The following VWA8 variants were observed in gnomAD, a reference collection of about 807,000 sequenced individuals.
The protein encoded by VWA8 is von Willebrand factor A domain containing 8, also known as von Willebrand factor A domain-containing protein 8.
In VWA8, 221 loss-of-function variants were observed where a neutral mutation model predicts 241.5. That is an observed-to-expected ratio of 0.91 (90% CI 0.82 to 1.02). The LOEUF (loss-of-function observed/expected upper bound fraction) is 1.02, where lower values mean the gene tolerates loss of function less well. Among genes scored for constraint, VWA8 ranks in the 50% least tolerant of loss-of-function variants. VWA8 has a pLI of 0.00. For missense variants in VWA8, 2,322 were observed against 2,328.7 expected (o/e 1.00, Z 0.06); for synonymous variants, 852 against 827.1 (o/e 1.03, Z -0.52).
intron 17 of VWA8, among the ~76,000 whole-genome samples, chr13:41,805,831 A>G (rs565166793): frequency 6.6e-6 from 1 of 152,052 alleles, no homozygotes. Context: ...AAAGAAAAAG[A>G]AAAAAAGAAA....
At chr13:41,616,717 C>G (rs991250705) in intron 37 of VWA8, among the ~76,000 whole-genome samples, 7 of 152,144 alleles carry the variant, frequency 4.6e-5, no homozygotes, top group Non-Finnish European at 8.8e-5. Context: ...TGGCTGTGAG[C>G]ATGTGAAATA....
intron 37 of VWA8, among the ~76,000 whole-genome samples, chr13:41,620,368 T>C (rs962781026): frequency 2.2e-4 from 33 of 152,170 alleles, no homozygotes; most frequent in Non-Finnish European, 4.3e-4. Context: ...CTTTTCTTCT[T>C]TATCAGTCTT....
At chr13:41,773,034 T>C (rs1252252485) in intron 20 of VWA8, among the ~76,000 whole-genome samples, 1 of 152,232 alleles carries the variant, frequency 6.6e-6, no homozygotes, top group Non-Finnish European at 1.5e-5. Context: ...GTTTCTGGTT[T>C]GCAAACAGAA....
At position 41,947,948 on chromosome 13, in the gene VWA8, AAAAAACAAAAC is replaced by A. The variant is rs1001002797; in HGVS notation, c.241+1977_241+1987del. On this transcript the variant is annotated intron_variant, in intron 2 of 44. Coordinates refer to ENST00000379310, the MANE Select transcript of VWA8 (RefSeq NM_015058.2). ...CCCTGTCTCAAAAAAAAAAAAAAAA[AAAAAACAAAAC>A]AAAACATTTTGGTAATTCCTTGAAA... 8.0e-5 allele frequency among the ~76,000 whole-genome samples: 12 copies of A among 149,168 alleles called. 1 individual carries two copies. The highest frequency in any genetic ancestry group is 2.2e-4 in the South Asian group (1 of 4,642).
chr13:41,842,446 A>C (rs1872101247), intron 12 of VWA8, among the ~76,000 whole-genome samples: 1 of 152,222 alleles, frequency 6.6e-6, no homozygotes, highest in South Asian at 2.1e-4. Context: ...TTACAAGCCT[A>C]CTATGTTGAT....
At chr13:41,741,380 C>T (rs968527000) in intron 21 of VWA8, among the ~76,000 whole-genome samples, 1 of 152,198 alleles carries the variant, frequency 6.6e-6, no homozygotes, top group Admixed American at 6.5e-5. Context: ...TTTCTCTTCC[C>T]TTTCCGCCAC....
chr13:41,925,719 A>C (rs1876798116), intron 2 of VWA8: 1 of 192,170 alleles, frequency 5.2e-6, no homozygotes, highest in African/African-American at 2.4e-5. Context: ...GCCAAGCAGG[A>C]AGAACTCAGT....
chr13:41,573,484 A>ATATATATATATATATATAT (rs796873882), intron 43 of VWA8, among the ~76,000 whole-genome samples: 4 of 117,026 alleles, frequency 3.4e-5, no homozygotes, highest in African/African-American at 1.5e-4. Flanking sequence ...TAAAAAAAAA[A>ATATATATATATATATATAT]AAATATATAT....
chr13:41,901,897 T>TGCAATCC (rs1308957847), intron 4 of VWA8, among the ~76,000 whole-genome samples: 156 of 77,648 alleles, frequency 2.0e-3, no homozygotes, highest in Middle Eastern at 6.7e-3. Context: ...AAAATATATA[T>TGCAATCC]ATATATATAT....
Position 41,912,006 on chromosome 13 carries a change from C to A in VWA8, c.372+32G>T, listed in dbSNP as rs113430637. ...TATTTCATAGCTTACAAAGTTAAGA[C>A]CCTTAGAAATTGACAAGAATTAACT... is the stretch of plus-strand genomic sequence containing the variant. On this transcript the variant is annotated intron_variant, in intron 3 of 44. Coordinates refer to ENST00000379310, the MANE Select transcript of VWA8 (RefSeq NM_015058.2). 1,742 of 1,515,118 alleles carry A rather than the reference C, an allele frequency of 1.1e-3. 22 individuals carry two copies. The African/African-American group carries it at 0.022, about 19-fold the overall frequency. The allele number at this position is 1,515,118 out of a possible 1,614,324, so 93.9% of individuals were successfully genotyped here.
intron 20 of VWA8, among the ~76,000 whole-genome samples, chr13:41,763,746 G>T (rs1301892068): frequency 6.6e-6 from 1 of 152,144 alleles, no homozygotes; most frequent in Non-Finnish European, 1.5e-5. Flanking sequence ...AGGATTTCCT[G>T]GAAGAAATGT....
At chr13:41,674,828 A>G (rs1431272104) in intron 36 of VWA8, among the ~76,000 whole-genome samples, 2 of 152,200 alleles carry the variant, frequency 1.3e-5, no homozygotes, top group African/African-American at 4.8e-5. Flanking sequence ...AATATTAAAG[A>G]AATCTATTTA....
Position 41,727,303 on chromosome 13 carries a change from A to G in VWA8, c.2649T>C (p.Asn883=), listed in dbSNP as rs1400182802. 6.6e-7 allele frequency: 1 copy of G among 1,523,934 alleles called. No individual in the cohort carries two copies. Among genetic ancestry groups the G allele is most frequent in the Admixed American group, 2.3e-5 (1 of 43,598 alleles). The allele number at this position is 1,523,934 out of a possible 1,614,324, so 94.4% of individuals were successfully genotyped here. The change falls in exon 24 of 45, where the codon AAT becomes AAC. Residue 883 remains asparagine (N), a synonymous_variant. Coordinates refer to ENST00000379310, the MANE Select transcript of VWA8 (RefSeq NM_015058.2). ...DGRRIVANSA[N]VNGRENVVVI... is the part of the protein sequence containing the mutation. ...CTACAACATTTTCTCTTCCATTCACATTAGCAGAATCTGAAAAACAAAATT... is the reference window on the plus strand; with the variant it reads ...CTACAACATTTTCTCTTCCATTCACGTTAGCAGAATCTGAAAAACAAAATT...
At chr13:41,738,594 A>C (rs1211027787) in intron 21 of VWA8, among the ~76,000 whole-genome samples, 2 of 152,212 alleles carry the variant, frequency 1.3e-5, no homozygotes, top group Non-Finnish European at 2.9e-5. Flanking sequence ...TCCACTGTTT[A>C]TAAATAAAAA....
chr13:41,776,336 A>G (rs921258839), intron 20 of VWA8, among the ~76,000 whole-genome samples: 2 of 152,204 alleles, frequency 1.3e-5, no homozygotes, highest in African/African-American at 4.8e-5. Context: ...TGGGCTATAT[A>G]CAACCTGAAT....
chr13:41,877,155 C>T (rs1409246717), intron 9 of VWA8, among the ~76,000 whole-genome samples: 1 of 152,052 alleles, frequency 6.6e-6, no homozygotes, highest in Non-Finnish European at 1.5e-5. Flanking sequence ...CAAATGTGAT[C>T]CTTCTCCCAC....
intron 14 of VWA8, 92 bp from the exon 15 acceptor site, chr13:41,819,478 T>C: frequency 1.5e-6 from 2 of 1,298,970 alleles, no homozygotes; most frequent in Non-Finnish European, 1.0e-6. Flanking sequence ...GTTAGGGCTA[T>C]CATACTGTTA....
At chr13:41,611,097 T>C (rs1319559739) in intron 39 of VWA8, among the ~76,000 whole-genome samples, 1 of 152,188 alleles carries the variant, frequency 6.6e-6, no homozygotes, top group East Asian at 1.9e-4. Context: ...AGCTCTTCTC[T>C]TCCCATCTCT....
chr13:41,620,933 T>C (rs920466713), intron 37 of VWA8, among the ~76,000 whole-genome samples: 2 of 152,200 alleles, frequency 1.3e-5, no homozygotes, highest in African/African-American at 4.8e-5. Flanking sequence ...TTTCTACCAT[T>C]ACACCCAGCT....
Sources: allele counts gnomAD v4.1 joint callset (sites outside exome capture counted in the v4.1 genomes callset), GRCh38; gene constraint gnomAD v4.1.1; transcripts MANE v1.5; gene names NCBI Gene and HGNC (gene_info 2026-07-23, HGNC 2026-07-21).